The following FAT3 variants were observed in gnomAD, a reference collection of about 807,000 sequenced individuals.
FAT3 encodes protocadherin Fat 3.
In FAT3, 95 loss-of-function variants were observed where a neutral mutation model predicts 310.2. That is an observed-to-expected ratio of 0.31 (90% confidence interval 0.26 to 0.36). The LOEUF (loss-of-function observed/expected upper bound fraction) is 0.36. Among genes scored for constraint, FAT3 ranks in the 10% least tolerant of loss-of-function variants. The pLI is 1.00. For missense variants in FAT3, 5,408 were observed against 5,715.6 expected (o/e 0.95, Z 1.74); for synonymous variants, 2,314 against 2,192.9 (o/e 1.06, Z -1.54).
At chr11:92,597,190 C>G (rs1237335352) in intron 3 of FAT3, among the ~76,000 whole-genome samples, 2 of 152,158 alleles carry the variant, frequency 1.3e-5, no homozygotes, top group Non-Finnish European at 2.9e-5. Context: ...TTAGCTGTAG[C>G]TTAACTGATA....
chr11:92,616,683 A>T (rs1007970466), intron 3 of FAT3, among the ~76,000 whole-genome samples: 1 of 152,074 alleles, frequency 6.6e-6, no homozygotes, highest in Non-Finnish European at 1.5e-5. Context: ...TGGTGACAAA[A>T]TCTCTCAGCA....
intron 2 of FAT3, among the ~76,000 whole-genome samples, chr11:92,370,602 G>A (rs1365932524): frequency 6.6e-6 from 1 of 152,104 alleles, no homozygotes; most frequent in Non-Finnish European, 1.5e-5. Context: ...ATTAAATATT[G>A]GATAACCATT....
rs1948671138 is a variant in FAT3 at position 92,354,441 on chromosome 11, G to C, written c.2329G>C (p.Asp777His). The C allele has an allele frequency of 6.2e-7, 1 of 1,613,838 alleles. No homozygotes were observed. Among genetic ancestry groups the C allele is most frequent in the African/African-American group, 1.3e-5 (1 of 75,032 alleles). Reference protein sequence around the residue: ...DGNTDSCFNIDMETGQLKVLM... With the variant: ...DGNTDSCFNIHMETGQLKVLM... Reference sequence around the variant, plus strand: ...AAATACGGATAGTTGCTTTAATATTGATATGGAGACTGGGCAGCTTAAAGT... The same window carrying C: ...AAATACGGATAGTTGCTTTAATATTCATATGGAGACTGGGCAGCTTAAAGT... The change falls in exon 2 of 28, where the codon GAT (aspartate) becomes CAT (histidine). Residue 777 changes from aspartate (D) to histidine (H), a missense_variant. Transcript: ENST00000525166.
In FAT3 at chr11:92,609,328, T is replaced by C. The variant is rs746692514; in HGVS notation, c.3607+84380T>C. On this transcript the variant is annotated intron_variant, in intron 3 of 27. Transcript: ENST00000525166. ...ATGGAGGAGGGGAGTCTCTGACTAG[T>C]ATTTAGTATGAATGTGGGTTAAAAC... Among the ~76,000 whole-genome samples the C allele has an allele frequency of 6.6e-5, 10 of 152,168 alleles. 1 individual carries two copies. The highest frequency in any genetic ancestry group is 6.2e-4 in the South Asian group (3 of 4,822).
At chr11:92,244,898 G>A (rs1156307083) in intron 1 of FAT3, among the ~76,000 whole-genome samples, 1 of 152,076 alleles carries the variant, frequency 6.6e-6, no homozygotes. Flanking sequence ...TGGTAGGAGT[G>A]TAAATTAGTT....
chr11:92,746,238 A>T (rs1945663251), intron 4 of FAT3, among the ~76,000 whole-genome samples: 1 of 152,214 alleles, frequency 6.6e-6, no homozygotes, highest in African/African-American at 2.4e-5. Flanking sequence ...GGTTTAATTA[A>T]GTCAAGTTCC....
chr11:92,568,462 C>T (rs1282458451), intron 3 of FAT3, among the ~76,000 whole-genome samples: 2 of 152,104 alleles, frequency 1.3e-5, no homozygotes, highest in Non-Finnish European at 2.9e-5. Context: ...TTATATATGA[C>T]ATTGCCTCAC....
chr11:92,289,880 C>G (rs1172001042), intron 1 of FAT3, among the ~76,000 whole-genome samples: 1 of 152,154 alleles, frequency 6.6e-6, no homozygotes, highest in Non-Finnish European at 1.5e-5. Context: ...TATCCCTTCT[C>G]TGCTCAAAAC....
intron 2 of FAT3, among the ~76,000 whole-genome samples, chr11:92,373,185 C>T (rs1053950106): frequency 5.9e-5 from 9 of 152,138 alleles, no homozygotes; most frequent in African/African-American, 2.2e-4. Flanking sequence ...TTCCTTAGCA[C>T]CATCACCACT....
intron 1 of FAT3, among the ~76,000 whole-genome samples, chr11:92,249,212 G>A (rs1865043278): frequency 6.6e-6 from 1 of 152,074 alleles, no homozygotes; most frequent in Non-Finnish European, 1.5e-5. Context: ...GGAAACAGAC[G>A]TCATTACCTC....
chr11:92,636,016 T>G (rs1161976531), intron 3 of FAT3, among the ~76,000 whole-genome samples: 18 of 152,286 alleles, frequency 1.2e-4, no homozygotes, highest in Non-Finnish European at 7.4e-5. Flanking sequence ...CAGACTCGAA[T>G]GCAGTGGTGC....
rs2136431104 is a variant in FAT3 at position 92,887,120 on chromosome 11, A to G, written c.13051+7A>G. Reference sequence around the variant, plus strand: ...GATTCTGGTGACGACAATGGTAAGAAGTCATCAGATTTGTTCGGAGCGGGT... The same window carrying G: ...GATTCTGGTGACGACAATGGTAAGAGGTCATCAGATTTGTTCGGAGCGGGT... On this transcript the variant is annotated splice_region_variant and intron_variant, in intron 25 of 27. Transcript: ENST00000525166. 6.2e-7 allele frequency: 1 copy of G among 1,604,650 alleles called. No homozygotes were observed. Among genetic ancestry groups the G allele is most frequent in the Middle Eastern group, 1.7e-4 (1 of 6,052 alleles).
intron 1 of FAT3, among the ~76,000 whole-genome samples, chr11:92,350,004 T>C (rs2134620518): frequency 6.6e-6 from 1 of 151,532 alleles, no homozygotes; most frequent in Admixed American, 6.6e-5. Flanking sequence ...AGAAAAGCCT[T>C]GTGGGGTATG....
intron 3 of FAT3, among the ~76,000 whole-genome samples, chr11:92,644,073 C>T (rs1272790468): frequency 6.6e-6 from 1 of 152,238 alleles, no homozygotes; most frequent in Non-Finnish European, 1.5e-5. Context: ...GCCTCTGCTG[C>T]TGCCTGCGAG....
In FAT3 at chr11:92,531,275, C is replaced by T. The variant is rs546266412; in HGVS notation, c.3607+6327C>T. Among the ~76,000 whole-genome samples, 25 of 152,226 alleles carry T rather than the reference C, an allele frequency of 1.6e-4. No individual in the cohort carries two copies. The South Asian group carries it at 3.1e-3, about 19-fold the overall frequency. ...TATCACGGGGGTTATTTAAATTCAGCGGTGACCTTTGCATCCACGTGAATG... is the reference window on the plus strand; with the variant it reads ...TATCACGGGGGTTATTTAAATTCAGTGGTGACCTTTGCATCCACGTGAATG... On this transcript the variant is annotated intron_variant, in intron 3 of 27. Coordinates refer to ENST00000525166, the MANE Select transcript of FAT3 (RefSeq NM_001367949.2).
In FAT3 at chr11:92,736,315, C is replaced by T. The variant is rs1042410553; in HGVS notation, c.3670-25541C>T. 2.0e-5 allele frequency among the ~76,000 whole-genome samples: 3 copies of T among 152,170 alleles called. No individual in the cohort carries two copies. In the East Asian group the frequency reaches 5.8e-4, roughly 29 times the overall value. On this transcript the variant is annotated intron_variant, in intron 4 of 27. Transcript: ENST00000525166. Reference sequence around the variant, plus strand: ...TGATAAGGATAATGACATTCCTGACCCCAGCCTTCCAAGATGCTCACCAAG... The same window carrying T: ...TGATAAGGATAATGACATTCCTGACTCCAGCCTTCCAAGATGCTCACCAAG...
intron 1 of FAT3, among the ~76,000 whole-genome samples, chr11:92,320,869 C>CA (rs1555010869): frequency 1.3e-3 from 137 of 104,738 alleles, no homozygotes; most frequent in Middle Eastern, 4.5e-3. Context: ...AACTCCATCT[C>CA]AAAAAAAAAA....
In FAT3 at chr11:92,388,063, AT is replaced by A. The variant is rs1949667798; in HGVS notation, c.3292+32662del. Among the ~76,000 whole-genome samples, 4 of 152,322 alleles carry A rather than the reference AT, an allele frequency of 2.6e-5. No individual in the cohort carries two copies. The South Asian group carries it at 8.3e-4, about 32-fold the overall frequency. On this transcript the variant is annotated intron_variant, in intron 2 of 27. Transcript: ENST00000525166. ...TTTTTGCCAGGCTATTTGAGGCAGC[AT>A]TTAGAAGCAGAGAAAAGTAGATTAG...
At chr11:92,457,542 A>T (rs976939947) in intron 2 of FAT3, among the ~76,000 whole-genome samples, 1 of 152,052 alleles carries the variant, frequency 6.6e-6, no homozygotes, top group Non-Finnish European at 1.5e-5. Context: ...ATCCTGGCTT[A>T]AAAAAAATCT....
Sources: allele counts gnomAD v4.1 joint callset (sites outside exome capture counted in the v4.1 genomes callset), GRCh38; gene constraint gnomAD v4.1.1; transcripts MANE v1.5; gene names NCBI Gene and HGNC (gene_info 2026-07-23, HGNC 2026-07-21).